SOS2: variants seen among roughly 807,000 people sequenced by gnomAD.
SOS2 encodes son of sevenless homolog 2.
SOS2 carries 65 observed loss-of-function variants against 148.2 expected under a neutral mutation model. The observed-to-expected ratio is 0.44, with a 90% CI of 0.36 to 0.54. SOS2 has a LOEUF of 0.54. Ranked by LOEUF, SOS2 falls within the 20% of genes least tolerant of loss-of-function variation. SOS2 has a pLI of 0.00. For synonymous variants in SOS2, 539 were observed against 537.1 expected, an observed-to-expected ratio of 1.00 and a Z score of -0.05; for missense variants, 1,341 against 1,590.2, an observed-to-expected ratio of 0.84 and a Z score of 2.67.
chr14:50,168,644 A>C (rs1349624613), intron 8 of SOS2, among the ~76,000 whole-genome samples: 2 of 152,150 alleles, frequency 1.3e-5, no homozygotes, highest in African/African-American at 4.8e-5. Flanking sequence ...CAGATATATA[A>C]TTTACAAATA....
At chr14:50,220,182 C>T (rs1595035727) in intron 1 of SOS2, among the ~76,000 whole-genome samples, 1 of 150,528 alleles carries the variant, frequency 6.6e-6, no homozygotes, top group East Asian at 1.9e-4. Context: ...GGGCAGATCA[C>T]GAGGTCAGGA....
intron 1 of SOS2, among the ~76,000 whole-genome samples, chr14:50,230,205 G>GAT (rs2139888725): frequency 6.6e-6 from 1 of 152,206 alleles, no homozygotes; most frequent in African/African-American, 2.4e-5. Context: ...AATGTCTGAG[G>GAT]ATATATTTTC....
chr14:50,169,299 G>C (rs1478462649), intron 8 of SOS2, among the ~76,000 whole-genome samples: 2 of 151,232 alleles, frequency 1.3e-5, no homozygotes, highest in African/African-American at 4.9e-5. Flanking sequence ...CTGGGCGACA[G>C]AGTGGGACTC....
At chr14:50,148,591 C>G (rs999337369) in intron 14 of SOS2, among the ~76,000 whole-genome samples, 6 of 151,960 alleles carry the variant, frequency 3.9e-5, no homozygotes, top group Non-Finnish European at 5.9e-5. Flanking sequence ...CCTCAAGTAA[C>G]AAGTCCCTTC....
At position 50,145,202 on chromosome 14, in the gene SOS2, C is replaced by A; in HGVS notation, c.2635G>T (p.Val879Leu). 1 of 1,609,824 alleles carries A rather than the reference C, an allele frequency of 6.2e-7. No individual in the cohort carries two copies. Among genetic ancestry groups the A allele is most frequent in the Non-Finnish European group, 8.5e-7 (1 of 1,177,708 alleles). Residue 879 changes from valine (V) to leucine (L), a missense_variant, in exon 16 of 23, where the codon GTG (valine) becomes TTG (leucine). This residue lies in a region of SOS2 where 408 missense variants were observed against 506.6 expected (regional missense o/e 0.81). Transcript: ENST00000216373. Reference sequence around the variant, plus strand: ...GTATGGTCTAGTCTGTATACTGACACTGAATTTACTGCACTGACTATCTCC... The same window carrying A: ...GTATGGTCTAGTCTGTATACTGACAATGAATTTACTGCACTGACTATCTCC... Reference protein sequence around the residue: ...VLEIVSAVNSVSVYRLDHTFE... With the variant: ...VLEIVSAVNSLSVYRLDHTFE...
rs1363500157 is a variant in SOS2, at chr14:50,117,788, C to T, written c.*556G>A. 1 of 152,216 alleles carries T rather than the reference C, an allele frequency of 6.6e-6. No homozygotes were observed. Among genetic ancestry groups the T allele is most frequent in the Non-Finnish European group, 1.5e-5 (1 of 68,098 alleles). 9.4% of individuals were successfully genotyped at this position (152,216 alleles called of 1,614,324 possible). On this transcript the variant is annotated 3_prime_UTR_variant, in exon 23 of 23. Transcript: ENST00000216373. The stretch of plus-strand genomic sequence containing the variant: ...TACAGTGCCATTCTATTATTTTCAT[C>T]CTACTTTTCATTTTTGTCTTCAGCA...
intron 1 of SOS2, among the ~76,000 whole-genome samples, chr14:50,209,001 T>C (rs969259375): frequency 1.3e-5 from 2 of 152,178 alleles, no homozygotes; most frequent in African/African-American, 2.4e-5. Context: ...CCCTCCCCAG[T>C]GTGGCCTTAT....
intron 14 of SOS2, among the ~76,000 whole-genome samples, chr14:50,148,978 C>T (rs1256733688): frequency 2.6e-5 from 4 of 152,188 alleles, no homozygotes; most frequent in Non-Finnish European, 5.9e-5. Context: ...TCACTGCAGC[C>T]TCGACCTTAA....
intron 8 of SOS2, among the ~76,000 whole-genome samples, chr14:50,164,813 T>A (rs1422523510): frequency 2.6e-5 from 4 of 152,214 alleles, no homozygotes; most frequent in Non-Finnish European, 5.9e-5. Context: ...GCCTTCTGAT[T>A]ATGCCTTTTC....
At chr14:50,149,945 T>C in intron 14 of SOS2, 63 bp downstream of exon 14, 1 of 1,178,936 alleles carries the variant, frequency 8.5e-7, no homozygotes. Context: ...GCAAAATGTT[T>C]TGAAAATAGG....
intron 8 of SOS2, among the ~76,000 whole-genome samples, chr14:50,167,412 G>A (rs1885203043): frequency 6.6e-6 from 1 of 152,014 alleles, no homozygotes; most frequent in Non-Finnish European, 1.5e-5. Flanking sequence ...GCATGCTCTT[G>A]TAGTTCTAGC....
rs533814369 is a variant in SOS2 at position 50,227,520 on chromosome 14, T to C, written c.87+3677A>G. ...GCTCCACCTTCTGGGTTCATACCAT[T>C]CTCCTGCCTCAGCCTCCCGAGTAGC... On this transcript the variant is annotated intron_variant, in intron 1 of 22. Coordinates refer to ENST00000216373, the MANE Select transcript of SOS2 (RefSeq NM_006939.4). Among the ~76,000 whole-genome samples the C allele has an allele frequency of 2.0e-5, 3 of 152,202 alleles. No individual in the cohort carries two copies. The East Asian group carries it at 5.8e-4, about 29-fold the overall frequency.
chr14:50,145,089 A>C lies in SOS2; in HGVS notation c.2667+81T>G, dbSNP rs1884426337. 4 of 704,928 alleles carry C rather than the reference A, an allele frequency of 5.7e-6. No homozygotes were observed. The South Asian group carries it at 1.8e-4, about 31-fold the overall frequency. 43.7% of individuals were successfully genotyped at this position (704,928 alleles called of 1,614,324 possible). A position where few individuals can be genotyped will look rare whatever the true frequency, so the allele number is the denominator to read the frequency against. ...TGAATTTACAAAGAATTTAATTAAA[A>C]AGACAGATGATAGATGAAATTTCTT... On this transcript the variant is annotated intron_variant, in intron 16 of 22. Transcript: ENST00000216373.
intron 9 of SOS2, among the ~76,000 whole-genome samples, chr14:50,160,379 C>CTTTTTTTTTTTT (rs200021758): frequency 1.3e-5 from 1 of 78,852 alleles, no homozygotes. Flanking sequence ...CAATGCTAAT[C>CTTTTTTTTTTTT]TTTTTTTTTT....
intron 14 of SOS2, among the ~76,000 whole-genome samples, chr14:50,149,430 A>G (rs1159187024): frequency 6.6e-6 from 1 of 152,154 alleles, no homozygotes; most frequent in East Asian, 1.9e-4. Context: ...TCCCACTCAT[A>G]TATGAAAACT....
At chr14:50,194,252 A>T (rs1282304962) in intron 4 of SOS2, among the ~76,000 whole-genome samples, 1 of 152,200 alleles carries the variant, frequency 6.6e-6, no homozygotes, top group Non-Finnish European at 1.5e-5. Flanking sequence ...AGTAGATGCA[A>T]GAAAGACGTA....
At chr14:50,127,376 A>G (rs1452355474) in intron 21 of SOS2, among the ~76,000 whole-genome samples, 2 of 152,130 alleles carry the variant, frequency 1.3e-5, no homozygotes, top group Non-Finnish European at 2.9e-5. Flanking sequence ...TCCTGACCTC[A>G]GGTGATCTGT....
chr14:50,137,626 T>G (rs1439940937), intron 18 of SOS2, among the ~76,000 whole-genome samples: 1 of 152,180 alleles, frequency 6.6e-6, no homozygotes, highest in Non-Finnish European at 1.5e-5. Flanking sequence ...TGATATTTCT[T>G]ACAGGTCACA....
intron 4 of SOS2, among the ~76,000 whole-genome samples, chr14:50,193,887 G>A (rs185104899): frequency 2.0e-5 from 3 of 152,156 alleles, no homozygotes; most frequent in African/African-American, 4.8e-5. Flanking sequence ...TGGGATTATA[G>A]GCAATCGCCA....
Sources: allele counts gnomAD v4.1 joint callset (sites outside exome capture counted in the v4.1 genomes callset), GRCh38; gene constraint gnomAD v4.1.1; regional missense constraint gnomAD v4.1.1; transcripts MANE v1.5; gene names NCBI Gene and HGNC (gene_info 2026-07-23, HGNC 2026-07-21).